Variants in KAT6B observed in about 807,000 individuals in gnomAD.
KAT6B encodes the protein lysine acetyltransferase 6B, also known as histone acetyltransferase KAT6B.
In KAT6B, 10 loss-of-function variants were observed where a neutral mutation model predicts 187.5. The ratio of observed to expected loss-of-function variants is 0.05; its 90% CI spans 0.03 to 0.09. The LOEUF (loss-of-function observed/expected upper bound fraction) is 0.09, where lower values mean the gene tolerates loss of function less well. Among genes scored for constraint, KAT6B ranks in the 10% least tolerant of loss-of-function variants. The pLI is 1.00. For missense variants in KAT6B, 1,952 were observed against 2,558.9 expected, an observed-to-expected ratio of 0.76 and a Z score of 5.12; for synonymous variants, 861 against 926.8, an observed-to-expected ratio of 0.93 and a Z score of 1.29.
chr10:74,831,556 T>C (rs1840864009), intron 1 of KAT6B, among the ~76,000 whole-genome samples: 1 of 152,220 alleles, frequency 6.6e-6, no homozygotes, highest in African/African-American at 2.4e-5. Flanking sequence ...GTCTTGAATT[T>C]TTACTTCTCT....
intron 13 of KAT6B, among the ~76,000 whole-genome samples, chr10:74,999,308 A>G (rs377503430): frequency 2.0e-5 from 3 of 152,168 alleles, no homozygotes; most frequent in Non-Finnish European, 4.4e-5. Context: ...GTGCGTTTGG[A>G]TGTCTACGTG....
chr10:74,882,649 T>A (rs958163225), intron 3 of KAT6B, among the ~76,000 whole-genome samples: 4 of 152,268 alleles, frequency 2.6e-5, no homozygotes, highest in African/African-American at 9.6e-5. Flanking sequence ...TCAATAGAGA[T>A]GCTGTAGCCA....
chr10:74,943,670 T>C (rs996208329), intron 3 of KAT6B, among the ~76,000 whole-genome samples: 4 of 151,964 alleles, frequency 2.6e-5, no homozygotes, highest in Non-Finnish European at 5.9e-5. Flanking sequence ...TATAGACATA[T>C]AAAAAACTAA....
intron 3 of KAT6B, among the ~76,000 whole-genome samples, chr10:74,844,862 A>G (rs183786622): frequency 1.1e-4 from 17 of 152,180 alleles, no homozygotes; most frequent in African/African-American, 4.1e-4. Flanking sequence ...GGGTGAGCAG[A>G]TATATTGATA....
intron 3 of KAT6B, among the ~76,000 whole-genome samples, chr10:74,906,816 TTCCTGC>T (rs1300780857): frequency 2.6e-5 from 4 of 152,178 alleles, no homozygotes; most frequent in African/African-American, 9.7e-5. Context: ...TTGTCTCCTG[TTCCTGC>T]TGGGCCTTTC....
At chr10:74,895,062 GTT>G (rs56260562) in intron 3 of KAT6B, among the ~76,000 whole-genome samples, 171 of 141,190 alleles carry the variant, frequency 1.2e-3, no homozygotes, top group African/African-American at 4.2e-3. Context: ...TCAACACTTG[GTT>G]TTTTTTTTTT....
intron 3 of KAT6B, among the ~76,000 whole-genome samples, chr10:74,878,128 C>T (rs1844558572): frequency 6.6e-6 from 1 of 152,106 alleles, no homozygotes; most frequent in Admixed American, 6.6e-5. Flanking sequence ...TTGTGTTTAG[C>T]AAACATGTAT....
intron 3 of KAT6B, among the ~76,000 whole-genome samples, chr10:74,910,951 G>T (rs756381719): frequency 6.6e-6 from 1 of 152,130 alleles, no homozygotes; most frequent in South Asian, 2.1e-4. Context: ...TGATAGAGAA[G>T]TGTCTTCTGT....
intron 3 of KAT6B, among the ~76,000 whole-genome samples, chr10:74,849,087 T>C (rs1225640019): frequency 6.6e-6 from 1 of 152,102 alleles, no homozygotes; most frequent in East Asian, 1.9e-4. Flanking sequence ...GTTCAAACAA[T>C]TCTTGTGCCT....
At chr10:74,849,219 T>C (rs755278140) in intron 3 of KAT6B, among the ~76,000 whole-genome samples, 13 of 152,130 alleles carry the variant, frequency 8.5e-5, no homozygotes, top group African/African-American at 1.2e-4. Context: ...TGGCCTCAAG[T>C]GATCCGCCTG....
At chr10:74,830,743 T>TATA (rs1840705356) in intron 1 of KAT6B, among the ~76,000 whole-genome samples, 1 of 18,420 alleles carries the variant, frequency 5.4e-5, no homozygotes. Flanking sequence ...TATATATATA[T>TATA]ATATATATAT....
chr10:74,952,917 C>G (rs1347150266), intron 3 of KAT6B, among the ~76,000 whole-genome samples: 3 of 132,778 alleles, frequency 2.3e-5, no homozygotes, highest in African/African-American at 8.5e-5. Context: ...CCAGGCTGGT[C>G]TCGAACTCCT....
chr10:74,933,183 A>G (rs1464557428), intron 3 of KAT6B, among the ~76,000 whole-genome samples: 2 of 152,176 alleles, frequency 1.3e-5, no homozygotes, highest in Non-Finnish European at 2.9e-5. Flanking sequence ...AGCATTATGT[A>G]TGATGAGGTT....
intron 3 of KAT6B, among the ~76,000 whole-genome samples, chr10:74,935,259 A>G (rs1849169696): frequency 9.9e-6 from 1 of 101,148 alleles, no homozygotes; most frequent in African/African-American, 4.1e-5. Context: ...ATACATATGT[A>G]CATACATTTA....
At chr10:75,019,980 G>A (rs900038749) in intron 13 of KAT6B, among the ~76,000 whole-genome samples, 1 of 152,174 alleles carries the variant, frequency 6.6e-6, no homozygotes, top group Non-Finnish European at 1.5e-5. Context: ...GGTGAAAATG[G>A]AGCTAGTGGA....
intron 1 of KAT6B, among the ~76,000 whole-genome samples, chr10:74,834,553 C>T (rs1316934071): frequency 6.6e-6 from 1 of 151,698 alleles, no homozygotes; most frequent in African/African-American, 2.4e-5. Context: ...GAGTCTTGCT[C>T]TATTGCCTAG....
At chr10:74,829,771 C>T (rs1473626102) in intron 1 of KAT6B, among the ~76,000 whole-genome samples, 1 of 151,470 alleles carries the variant, frequency 6.6e-6, no homozygotes, top group Non-Finnish European at 1.5e-5. Flanking sequence ...GTAATCCCAG[C>T]ACTTTGGGAG....
intron 3 of KAT6B, among the ~76,000 whole-genome samples, chr10:74,933,865 AC>A (rs1250488797): frequency 1.3e-5 from 2 of 152,180 alleles, no homozygotes; most frequent in Admixed American, 1.3e-4. Context: ...ATTGAGACAT[AC>A]ATCCTCACAG....
chr10:74,936,221 T>G (rs552040028), intron 3 of KAT6B, among the ~76,000 whole-genome samples: 3 of 151,856 alleles, frequency 2.0e-5, no homozygotes, highest in Non-Finnish European at 4.4e-5. Context: ...GCCAACATGG[T>G]GAAACCCTGT....
Sources: allele counts gnomAD v4.1 joint callset (sites outside exome capture counted in the v4.1 genomes callset), GRCh38; gene constraint gnomAD v4.1.1; transcripts MANE v1.5; gene names NCBI Gene and HGNC (gene_info 2026-07-23, HGNC 2026-07-21).